Variants in OR4K1 observed in about 807,000 individuals in gnomAD.
OR4K1 encodes olfactory receptor family 4 subfamily K member 1.
OR4K1 carries 16 observed loss-of-function variants against 14.4 expected under a neutral mutation model. That is an observed-to-expected ratio of 1.11 (90% CI 0.75 to 1.68). The LOEUF (loss-of-function observed/expected upper bound fraction) is 1.68. Among genes scored for constraint, OR4K1 ranks in the 40% most tolerant of loss-of-function variants. The pLI, the probability that OR4K1 is intolerant of heterozygous loss-of-function variation, is 0.00. For synonymous variants in OR4K1, 181 were observed against 133.1 expected, an observed-to-expected ratio of 1.36 and a Z score of -2.48; for missense variants, 548 against 376.9, an observed-to-expected ratio of 1.45 and a Z score of -3.76.
rs1205736827 is a variant in OR4K1, at chr14:19,935,882, T to C, written c.216T>C (p.Cys72=). 1.2e-6 allele frequency: 2 copies of C among 1,614,158 alleles called. No individual in the cohort carries two copies. Among genetic ancestry groups the C allele is most frequent in the East Asian group, 2.2e-5 (1 of 44,904 alleles). Residue 72 remains cysteine (C), a synonymous_variant, in exon 2 of 2, where the codon TGT becomes TGC. Transcript: ENST00000641172. ...GTAATCTTTCTTTCATTGATATCTG[T>C]CAGTCTAACTTTGCCACCCCCAAGA... ...LLSNLSFIDI[C]QSNFATPKML... is the part of the protein sequence containing the mutation.
At chr14:19,921,476 G>A in the OR4K1 span, 1 of 1,614,032 alleles carries the variant, frequency 6.2e-7, no homozygotes, top group Non-Finnish European at 8.5e-7. Context: ...ATACACTAAG[G>A]AATAGGGATA....
chr14:19,928,845 T>C (rs867057443), upstream of OR4K1, among the ~76,000 whole-genome samples: 7 of 152,164 alleles, frequency 4.6e-5, no homozygotes, highest in African/African-American at 1.7e-4. Context: ...TTATTGATAT[T>C]TCTTTATTTT....
chr14:19,920,532 C>G, the OR4K1 span: 1 of 1,497,326 alleles, frequency 6.7e-7, no homozygotes, highest in South Asian at 1.4e-5. Context: ...TAAAAGTATT[C>G]TTAATTCAAA....
rs776355291 is a variant in OR4K1 at position 19,935,783 on chromosome 14, G to T, written c.117G>T (p.Val39=). The change falls in exon 2 of 2, where the codon GTG becomes GTT. Residue 39 remains valine (V), a synonymous_variant. Coordinates refer to ENST00000641172, the MANE Select transcript of OR4K1 (RefSeq NM_001004063.3). ...AIFSIVYVTS[V]LGNVLIIVII... ...TCTCTATAGTCTATGTGACATCAGT[G>T]CTAGGCAATGTCTTAATTATTGTCA... is the stretch of plus-strand genomic sequence containing the variant. The T allele has an allele frequency of 2.5e-6, 4 of 1,614,090 alleles. No individual in the cohort carries two copies. Among genetic ancestry groups the T allele is most frequent in the South Asian group, 2.2e-5 (2 of 91,086 alleles).
the OR4K1 span, among the ~76,000 whole-genome samples, chr14:19,924,314 C>T: frequency 2.8e-5 from 4 of 143,568 alleles, no homozygotes; most frequent in East Asian, 2.2e-4. Flanking sequence ...GCAGGAGAAT[C>T]GCTTGAACTT....
chr14:19,936,535 G>C lies in OR4K1; in HGVS notation c.869G>C (p.Arg290Thr). 1 of 1,612,260 alleles carries C rather than the reference G, an allele frequency of 6.2e-7. No individual in the cohort carries two copies. The highest frequency in any genetic ancestry group is 8.5e-7 in the Non-Finnish European group (1 of 1,179,542). The change falls in exon 2 of 2, where the codon AGG becomes ACG. Residue 290 changes from arginine (R) to threonine (T), a missense_variant. Transcript: ENST00000641172. ...PLLNPIIYSL[R>T]NEDVKAAMWK... ...TTGAACCCCATCATCTACTCTCTGA[G>C]GAATGAAGATGTTAAAGCAGCCATG...
chr14:19,933,984 A>G (rs1322558610), intron 1 of OR4K1, among the ~76,000 whole-genome samples: 9 of 152,270 alleles, frequency 5.9e-5, no homozygotes, highest in African/African-American at 1.4e-4. Context: ...GGTTAAAACT[A>G]CATAATGAAA....
At chr14:19,933,128 CTGT>C (rs1411336103) in intron 1 of OR4K1, among the ~76,000 whole-genome samples, 1 of 151,686 alleles carries the variant, frequency 6.6e-6, no homozygotes, top group South Asian at 2.1e-4. Context: ...AGTTTTTTTA[CTGT>C]AATTATAATG....
Position 19,933,442 on chromosome 14 carries a change from C to A in OR4K1, c.-19-2206C>A, listed in dbSNP as rs138129579. 6.4e-4 allele frequency among the ~76,000 whole-genome samples: 97 copies of A among 152,206 alleles called. No homozygotes were observed. The East Asian group carries it at 0.017, about 27-fold the overall frequency. On this transcript the variant is annotated intron_variant, in intron 1 of 1. Coordinates refer to ENST00000641172, the MANE Select transcript of OR4K1 (RefSeq NM_001004063.3). Reference sequence around the variant, plus strand: ...TTTCTTTTTCAATGTTTCTTTGCTTCCTCGTTTCCCCTGCTCATGTACACA... The same window carrying A: ...TTTCTTTTTCAATGTTTCTTTGCTTACTCGTTTCCCCTGCTCATGTACACA...
At chr14:19,921,609 T>C in the OR4K1 span, 49 of 1,569,890 alleles carry the variant, frequency 3.1e-5, no homozygotes, top group African/African-American at 4.1e-5. Flanking sequence ...CTCAGGTCAA[T>C]ACACTGTTTA....
the OR4K1 span, among the ~76,000 whole-genome samples, chr14:19,923,912 AT>A: frequency 1.3e-5 from 2 of 152,212 alleles, no homozygotes; most frequent in Admixed American, 6.5e-5. Context: ...CAAATTACTC[AT>A]GTGGGTTCTG....
chr14:19,925,523 T>C, the OR4K1 span, among the ~76,000 whole-genome samples: 1 of 152,266 alleles, frequency 6.6e-6, no homozygotes, highest in African/African-American at 2.4e-5. Context: ...TATTCCTAAA[T>C]TGCTTTTGAT....
chr14:19,933,644 G>A (rs187799416), intron 1 of OR4K1, among the ~76,000 whole-genome samples: 8 of 152,226 alleles, frequency 5.3e-5, no homozygotes, highest in Non-Finnish European at 1.0e-4. Flanking sequence ...CCAGGCTGGA[G>A]TGCAGTGGAA....
At chr14:19,920,443 G>C in the OR4K1 span, 1 of 746,062 alleles carries the variant, frequency 1.3e-6, no homozygotes, top group Non-Finnish European at 2.1e-6. Context: ...CACCTATCCA[G>C]ACATACTATT....
the OR4K1 span, among the ~76,000 whole-genome samples, chr14:19,924,549 A>T: frequency 6.6e-6 from 1 of 152,094 alleles, no homozygotes; most frequent in African/African-American, 2.4e-5. Context: ...TTTGCATTAG[A>T]TGCTGGTGAA....
chr14:19,924,615 A>G, the OR4K1 span, among the ~76,000 whole-genome samples: 1 of 152,314 alleles, frequency 6.6e-6, no homozygotes, highest in South Asian at 2.1e-4. Context: ...AATTAGTTCA[A>G]TCATCGTGGA....
intron 1 of OR4K1, 27 bp downstream of exon 1, chr14:19,931,172 A>G (rs1037218758): frequency 6.6e-6 from 1 of 152,276 alleles, no homozygotes; most frequent in Non-Finnish European, 1.5e-5. Flanking sequence ...CATTGTGAAC[A>G]TATTGTTGCA....
rs1407771416 is a variant in OR4K1, at chr14:19,936,265, T to C, written c.599T>C (p.Leu200Pro). 6 of 1,614,252 alleles carry C rather than the reference T, an allele frequency of 3.7e-6. No homozygotes were observed. Among genetic ancestry groups the C allele is most frequent in the East Asian group, 2.2e-5 (1 of 44,888 alleles). ...ACATATGAAATGGAAATTATGACCCTAACGAACAGTGGCCTGATATCATTG... is the reference window on the plus strand; with the variant it reads ...ACATATGAAATGGAAATTATGACCCCAACGAACAGTGGCCTGATATCATTG... ...MDTYEMEIMT[L>P]TNSGLISLSC... is the part of the protein sequence containing the mutation. Residue 200 changes from leucine (L) to proline (P), a missense_variant, in exon 2 of 2, where the codon CTA becomes CCA. By Grantham distance (98) the Leu-to-Pro change is moderately conservative. Transcript: ENST00000641172.
chr14:19,920,921 C>A, the OR4K1 span: 2 of 1,614,060 alleles, frequency 1.2e-6, no homozygotes, highest in Non-Finnish European at 8.5e-7. Flanking sequence ...TCTTTATTCA[C>A]CTTTTTACTG....
Sources: gnomAD v4.1 joint callset for allele counts (sites outside exome capture counted in the v4.1 genomes callset) on GRCh38, gnomAD v4.1.1 for gene constraint, MANE v1.5 for transcripts, NCBI Gene and HGNC (gene_info 2026-07-23, HGNC 2026-07-21) for gene names.